FNDC3A: variants seen among roughly 807,000 people sequenced by gnomAD.
FNDC3A encodes the protein fibronectin type-III domain-containing protein 3A.
A neutral mutation model predicts 148.9 loss-of-function variants in FNDC3A; 32 were observed. The ratio of observed to expected loss-of-function variants is 0.21; its 90% confidence interval spans 0.16 to 0.29. The LOEUF (loss-of-function observed/expected upper bound fraction) is 0.29. FNDC3A is among the 10% of genes least tolerant of loss of function. The pLI, the probability that FNDC3A is intolerant of heterozygous loss-of-function variation, is 1.00. For synonymous variants in FNDC3A, 472 were observed against 473.6 expected (o/e 1.00, Z 0.04); for missense variants, 1,191 against 1,452.8 (o/e 0.82, Z 2.93).
At chr13:49,101,274 C>T (rs755477502) in intron 3 of FNDC3A, among the ~76,000 whole-genome samples, 11 of 152,144 alleles carry the variant, frequency 7.2e-5, no homozygotes, top group Non-Finnish European at 1.5e-4. Context: ...CTTGGTCCCT[C>T]GACTCTGTGG....
chr13:48,991,529 A>C (rs1016032639), intron 1 of FNDC3A, among the ~76,000 whole-genome samples: 5 of 152,030 alleles, frequency 3.3e-5, no homozygotes, highest in African/African-American at 9.7e-5. Context: ...TCTACAAAAA[A>C]ATACAAAAAT....
rs373752125 is a variant in FNDC3A, at chr13:49,191,268, A to G, written c.2110A>G (p.Ile704Val). Residue 704 changes from isoleucine (I) to valine (V), a missense_variant, in exon 19 of 26, where the codon ATA becomes GTA. Physicochemically the swap from Ile to Val is conservative, Grantham distance 29. Around this residue, in one of 3 missense-constraint regions of FNDC3A, gnomAD observed 751 missense variants for 944.0 expected, o/e 0.80. Transcript: ENST00000492622. ...CTGTTACAGTGTGGAAATGTCTCCT[A>G]TAGAAAAAGATGAACCTAGAGAAGT... is the stretch of plus-strand genomic sequence containing the variant. ...ISCYSVEMSPIEKDEPREVYQ... is the reference protein window; with the variant it reads ...ISCYSVEMSPVEKDEPREVYQ... 9.9e-6 allele frequency: 16 copies of G among 1,613,238 alleles called. No individual in the cohort carries two copies. Among genetic ancestry groups the G allele is most frequent in the East Asian group, 4.5e-5 (2 of 44,876 alleles).
chr13:49,101,488 C>T (rs577142548), intron 3 of FNDC3A, among the ~76,000 whole-genome samples: 1 of 152,228 alleles, frequency 6.6e-6, no homozygotes, highest in East Asian at 1.9e-4. Context: ...TGAAACCACT[C>T]TTTGTTTAGC....
intron 10 of FNDC3A, 56 bp downstream of exon 10, chr13:49,168,807 G>GGT: frequency 6.6e-7 from 1 of 1,508,560 alleles, no homozygotes; most frequent in African/African-American, 1.4e-5. Flanking sequence ...TGTTTCCCCT[G>GGT]GTAGTATTAA....
At chr13:49,059,801 T>C (rs1876531243) in intron 2 of FNDC3A, among the ~76,000 whole-genome samples, 1 of 152,094 alleles carries the variant, frequency 6.6e-6, no homozygotes, top group African/African-American at 2.4e-5. Flanking sequence ...GGGTCTAGCA[T>C]CCACAATATA....
At chr13:49,143,471 TTAGTTAAAAGTA>T in intron 7 of FNDC3A, among the ~76,000 whole-genome samples, 1 of 152,320 alleles carries the variant, frequency 6.6e-6, no homozygotes, top group South Asian at 2.1e-4. Flanking sequence ...GGAAGTCTGT[TTAGTTAAAAGTA>T]TAGTTAAAAG....
At chr13:49,118,047 T>C (rs1335056197) in intron 4 of FNDC3A, among the ~76,000 whole-genome samples, 1 of 152,246 alleles carries the variant, frequency 6.6e-6, no homozygotes, top group Non-Finnish European at 1.5e-5. Context: ...CTACTATTAT[T>C]AATCTTAATT....
chr13:49,058,728 TTTG>T (rs959917279), intron 2 of FNDC3A, among the ~76,000 whole-genome samples: 4 of 152,218 alleles, frequency 2.6e-5, no homozygotes, highest in Non-Finnish European at 4.4e-5. Flanking sequence ...CCTGTAGTAT[TTTG>T]TTACGTCATT....
At chr13:49,012,804 A>AGT (rs535416333) in intron 2 of FNDC3A, among the ~76,000 whole-genome samples, 1 of 36,596 alleles carries the variant, frequency 2.7e-5, no homozygotes, top group Non-Finnish European at 5.6e-5. Context: ...TGCAATTATA[A>AGT]ATGTGTGTGT....
At chr13:48,991,099 A>G (rs1285613198) in intron 1 of FNDC3A, among the ~76,000 whole-genome samples, 2 of 152,212 alleles carry the variant, frequency 1.3e-5, no homozygotes, top group Non-Finnish European at 2.9e-5. Context: ...CGTATCAACA[A>G]TCACATTACA....
intron 10 of FNDC3A, among the ~76,000 whole-genome samples, chr13:49,169,004 T>G (rs1173461040): frequency 6.6e-6 from 1 of 152,244 alleles, no homozygotes; most frequent in African/African-American, 2.4e-5. Context: ...ACATTGAGAT[T>G]CACAACAGTG....
chr13:49,037,110 G>A (rs558335771), intron 2 of FNDC3A, among the ~76,000 whole-genome samples: 46 of 152,126 alleles, frequency 3.0e-4, no homozygotes, highest in Admixed American at 5.2e-4. Context: ...TTTCATGTGC[G>A]TCCACTTGGC....
At chr13:49,074,292 A>G (rs1428266307) in intron 2 of FNDC3A, among the ~76,000 whole-genome samples, 2 of 152,062 alleles carry the variant, frequency 1.3e-5, no homozygotes, top group Non-Finnish European at 2.9e-5. Flanking sequence ...ATGCCTTTGC[A>G]TCCTCATAGC....
chr13:49,066,707 A>G (rs971271069), intron 2 of FNDC3A, among the ~76,000 whole-genome samples: 3 of 151,104 alleles, frequency 2.0e-5, no homozygotes, highest in Admixed American at 1.3e-4. Context: ...TTTTTTTTTA[A>G]TATATACTTT....
At chr13:49,006,714 A>G (rs1165394147) in intron 2 of FNDC3A, among the ~76,000 whole-genome samples, 1 of 151,922 alleles carries the variant, frequency 6.6e-6, no homozygotes, top group Non-Finnish European at 1.5e-5. Flanking sequence ...ATCCCTGAAA[A>G]GCTGATAGAT....
chr13:49,202,314 T>C (rs147930878), intron 24 of FNDC3A, among the ~76,000 whole-genome samples: 34 of 152,364 alleles, frequency 2.2e-4, no homozygotes, highest in African/African-American at 7.5e-4. Context: ...GTTATTGATA[T>C]TACATTCATT....
intron 1 of FNDC3A, among the ~76,000 whole-genome samples, chr13:48,999,412 A>G (rs139111485): frequency 1.4e-3 from 218 of 152,324 alleles, no homozygotes; most frequent in African/African-American, 4.9e-3. Flanking sequence ...TTGCAAATAC[A>G]TAACATATCT....
At chr13:48,991,450 G>A (rs186831149) in intron 1 of FNDC3A, among the ~76,000 whole-genome samples, 1 of 152,278 alleles carries the variant, frequency 6.6e-6, no homozygotes, top group East Asian at 1.9e-4. Flanking sequence ...TCTTTGGGAG[G>A]CTGAGGGGGT....
chr13:49,011,396 G>T (rs1486501928), intron 2 of FNDC3A, among the ~76,000 whole-genome samples: 1 of 152,016 alleles, frequency 6.6e-6, no homozygotes, highest in Non-Finnish European at 1.5e-5. Flanking sequence ...ACCACACCAG[G>T]CTAATTTTTG....
Sources: gnomAD v4.1 joint callset for allele counts (sites outside exome capture counted in the v4.1 genomes callset) on GRCh38, gnomAD v4.1.1 for gene constraint, gnomAD v4.1.1 regional missense constraint, MANE v1.5 for transcripts, NCBI Gene and HGNC (gene_info 2026-07-23, HGNC 2026-07-21) for gene names.